The following PARP8 variants were observed in gnomAD, a reference collection of about 807,000 sequenced individuals.
The protein encoded by PARP8 is poly(ADP-ribose) polymerase family member 8.
In PARP8, 51 loss-of-function variants were observed where a neutral mutation model predicts 124.1. The observed-to-expected ratio is 0.41, with a 90% CI of 0.33 to 0.52. The LOEUF (loss-of-function observed/expected upper bound fraction) is 0.52. PARP8 is among the 20% of genes least tolerant of loss of function. The pLI is 0.21. For missense variants in PARP8, 860 were observed against 1,018.9 expected, an observed-to-expected ratio of 0.84 and a Z score of 2.12; for synonymous variants, 391 against 361.5, an observed-to-expected ratio of 1.08 and a Z score of -0.93.
intron 2 of PARP8, among the ~76,000 whole-genome samples, chr5:50,670,794 T>A (rs901129692): frequency 6.6e-6 from 1 of 152,264 alleles, no homozygotes. Flanking sequence ...TCTCCATTAG[T>A]GTTTTCAAGC....
At chr5:50,836,508 A>C (rs1314319692) in intron 25 of PARP8, among the ~76,000 whole-genome samples, 1 of 151,734 alleles carries the variant, frequency 6.6e-6, no homozygotes, top group Non-Finnish European at 1.5e-5. Context: ...ACAAAAGGAC[A>C]CAGACAGGAA....
intron 2 of PARP8, among the ~76,000 whole-genome samples, chr5:50,719,053 C>G (rs1447589075): frequency 6.6e-6 from 1 of 151,974 alleles, no homozygotes; most frequent in Non-Finnish European, 1.5e-5. Flanking sequence ...TTGCATTTCT[C>G]TGATTATTAA....
At chr5:50,833,950 T>C (rs755166979) in intron 23 of PARP8, 29 bp from the exon 24 acceptor site, 6 of 1,587,824 alleles carry the variant, frequency 3.8e-6, no homozygotes, top group Non-Finnish European at 5.2e-6. Flanking sequence ...TCATTCTGAC[T>C]CTAAGTTTTA....
chr5:50,670,499 C>T (rs1372993493), intron 2 of PARP8, among the ~76,000 whole-genome samples: 3 of 152,186 alleles, frequency 2.0e-5, no homozygotes, highest in South Asian at 4.1e-4. Flanking sequence ...TACATTTATA[C>T]TTTTAATTTT....
At chr5:50,770,618 AAGG>A (rs1464145071) in intron 7 of PARP8, among the ~76,000 whole-genome samples, 4 of 151,800 alleles carry the variant, frequency 2.6e-5, no homozygotes, top group Admixed American at 6.6e-5. Flanking sequence ...GGAAGGAAGG[AAGG>A]AAGGAGGGAG....
intron 2 of PARP8, among the ~76,000 whole-genome samples, chr5:50,704,603 G>A (rs1221213417): frequency 6.6e-6 from 1 of 152,136 alleles, no homozygotes. Flanking sequence ...CGTGCTGTAA[G>A]TGTTAAAGTA....
intron 2 of PARP8, among the ~76,000 whole-genome samples, chr5:50,747,147 TTTGTTTGTTTG>T (rs1758635286): frequency 1.0e-5 from 1 of 97,850 alleles, no homozygotes; most frequent in African/African-American, 4.3e-5. Context: ...TATGGTTTTT[TTTGTTTGTTTG>T]TTTTGTTTTT....
chr5:50,773,360 A>G (rs551029964), intron 7 of PARP8, among the ~76,000 whole-genome samples: 4 of 152,306 alleles, frequency 2.6e-5, no homozygotes, highest in Admixed American at 2.0e-4. Context: ...GTATATGAAG[A>G]TAGGGATCTA....
At chr5:50,797,740 TAAG>T (rs1393585252) in intron 14 of PARP8, among the ~76,000 whole-genome samples, 1 of 152,192 alleles carries the variant, frequency 6.6e-6, no homozygotes, top group Non-Finnish European at 1.5e-5. Context: ...AGTATGAAAA[TAAG>T]AATCAGTGTA....
intron 15 of PARP8, among the ~76,000 whole-genome samples, chr5:50,819,061 C>G (rs1248313623): frequency 1.3e-5 from 2 of 152,164 alleles, no homozygotes; most frequent in African/African-American, 2.4e-5. Flanking sequence ...CTTATTCAGA[C>G]AAAAAGGTGG....
chr5:50,806,712 C>T (rs1158663360), intron 14 of PARP8, among the ~76,000 whole-genome samples: 1 of 152,022 alleles, frequency 6.6e-6, no homozygotes, highest in African/African-American at 2.4e-5. Flanking sequence ...GAGATAGACA[C>T]AGGAAGAACT....
At chr5:50,710,941 A>G (rs925650568) in intron 2 of PARP8, among the ~76,000 whole-genome samples, 2 of 152,182 alleles carry the variant, frequency 1.3e-5, no homozygotes, top group East Asian at 1.9e-4. Flanking sequence ...ATCCATATCT[A>G]TGTCTCTATC....
intron 11 of PARP8, among the ~76,000 whole-genome samples, 164 bp downstream of exon 11, chr5:50,794,496 A>T (rs570386389): frequency 6.6e-6 from 1 of 152,200 alleles, no homozygotes; most frequent in Non-Finnish European, 1.5e-5. Flanking sequence ...ATTCATTTCT[A>T]TGTTTAGAGT....
chr5:50,672,843 T>C (rs546116626), intron 2 of PARP8, among the ~76,000 whole-genome samples: 1 of 152,122 alleles, frequency 6.6e-6, no homozygotes, highest in East Asian at 1.9e-4. Context: ...GAGAAGTGTA[T>C]GTGTGTGCAG....
chr5:50,736,826 C>T (rs1321462738), intron 2 of PARP8, among the ~76,000 whole-genome samples: 1 of 151,928 alleles, frequency 6.6e-6, no homozygotes. Flanking sequence ...ATTCTTCATC[C>T]AAAACCAACC....
intron 14 of PARP8, among the ~76,000 whole-genome samples, chr5:50,801,230 G>T (rs1262157912): frequency 6.6e-6 from 1 of 152,032 alleles, no homozygotes; most frequent in Non-Finnish European, 1.5e-5. Flanking sequence ...CCTCCGAGTA[G>T]CTGGGATTAC....
At chr5:50,829,865 C>T in intron 21 of PARP8, 27 bp from the exon 22 acceptor site, 2 of 1,581,130 alleles carry the variant, frequency 1.3e-6, no homozygotes, top group East Asian at 2.3e-5. Flanking sequence ...ACAGACCTCT[C>T]TCTCTCTCCC....
At chr5:50,690,347 G>A (rs1752363767) in intron 2 of PARP8, among the ~76,000 whole-genome samples, 1 of 152,214 alleles carries the variant, frequency 6.6e-6, no homozygotes, top group South Asian at 2.1e-4. Flanking sequence ...AAGCCACTGT[G>A]AAGAGGTATG....
At chr5:50,799,363 A>G (rs891523153) in intron 14 of PARP8, among the ~76,000 whole-genome samples, 23 of 152,168 alleles carry the variant, frequency 1.5e-4, no homozygotes, top group African/African-American at 5.1e-4. Flanking sequence ...CTCGTTGAAA[A>G]TTATTTGACT....
Sources: gnomAD v4.1 joint callset for allele counts (sites outside exome capture counted in the v4.1 genomes callset) on GRCh38, gnomAD v4.1.1 for gene constraint, MANE v1.5 for transcripts, NCBI Gene and HGNC (gene_info 2026-07-23, HGNC 2026-07-21) for gene names.